The following GABRB1 variants were observed in gnomAD, a reference collection of about 807,000 sequenced individuals.
The protein encoded by GABRB1 is gamma-aminobutyric acid type A receptor subunit beta1, also known as gamma-aminobutyric acid receptor subunit beta-1.
In GABRB1, 17 loss-of-function variants were observed where a neutral mutation model predicts 51.6. That is an observed-to-expected ratio of 0.33 (90% CI 0.23 to 0.49). The LOEUF (loss-of-function observed/expected upper bound fraction) is 0.49, where lower values mean the gene tolerates loss of function less well. GABRB1 is among the 20% of genes least tolerant of loss of function. The probability of loss-of-function intolerance (pLI) is 0.99; values close to 1 mark genes in which losing one functional copy is unlikely to be tolerated. For missense variants in GABRB1, 410 were observed against 600.6 expected (o/e 0.68, Z 3.32); for synonymous variants, 247 against 218.9 (o/e 1.13, Z -1.14).
At chr4:47,025,872 A>G (rs1725073512) in intron 1 of GABRB1, among the ~76,000 whole-genome samples, 1 of 151,894 alleles carries the variant, frequency 6.6e-6, no homozygotes, top group African/African-American at 2.4e-5. Context: ...TTCTGCCTTT[A>G]CTACTTCCGT....
At chr4:47,046,591 G>C (rs1285974460) in intron 3 of GABRB1, among the ~76,000 whole-genome samples, 1 of 152,064 alleles carries the variant, frequency 6.6e-6, no homozygotes, top group East Asian at 1.9e-4. Flanking sequence ...TGACCCTGAA[G>C]ATGAGATCTC....
At chr4:47,181,703 T>C (rs1208206681) in intron 4 of GABRB1, among the ~76,000 whole-genome samples, 1 of 152,076 alleles carries the variant, frequency 6.6e-6, no homozygotes, top group African/African-American at 2.4e-5. Context: ...TGCTCATAAA[T>C]AGCTGCTATT....
At chr4:47,182,272 T>G (rs1718983521) in intron 4 of GABRB1, among the ~76,000 whole-genome samples, 1 of 151,954 alleles carries the variant, frequency 6.6e-6, no homozygotes, top group Non-Finnish European at 1.5e-5. Flanking sequence ...TACTATTGAT[T>G]ACTACTAATG....
At chr4:47,388,997 A>G (rs1727892467) in intron 5 of GABRB1, among the ~76,000 whole-genome samples, 1 of 152,370 alleles carries the variant, frequency 6.6e-6, no homozygotes, top group Non-Finnish European at 1.5e-5. Context: ...TTATTATCAG[A>G]AACACACTCA....
rs189449604 is a variant in GABRB1 at position 47,110,186 on chromosome 4, G to A, written c.241-51063G>A. On this transcript the variant is annotated intron_variant, in intron 3 of 8. Coordinates refer to ENST00000295454, the MANE Select transcript of GABRB1 (RefSeq NM_000812.4). ...TGTGAATCTCTACTTAAAGATATTG[G>A]GCCAAATCTGATAGTAAGAAATATT... Among the ~76,000 whole-genome samples the A allele has an allele frequency of 1.2e-3, 187 of 151,778 alleles. 1 individual carries two copies. Among genetic ancestry groups the A allele is most frequent in the African/African-American group, 4.3e-3 (176 of 41,378 alleles).
chr4:47,401,457 C>T (rs1015766494), intron 5 of GABRB1, among the ~76,000 whole-genome samples: 3 of 152,146 alleles, frequency 2.0e-5, no homozygotes, highest in African/African-American at 4.8e-5. Flanking sequence ...GGCCCAACAG[C>T]CCCTTCACCC....
intron 1 of GABRB1, among the ~76,000 whole-genome samples, chr4:47,018,087 C>A (rs1241114815): frequency 6.6e-6 from 1 of 151,178 alleles, no homozygotes; most frequent in South Asian, 2.1e-4. Context: ...TTCTTCTTCT[C>A]CCTCTTCCTC....
At chr4:47,350,004 G>T (rs1726248216) in intron 5 of GABRB1, among the ~76,000 whole-genome samples, 3 of 151,832 alleles carry the variant, frequency 2.0e-5, no homozygotes, top group African/African-American at 7.3e-5. Context: ...CCATGAAAAT[G>T]CTAAGGAGAG....
chr4:47,056,389 T>C (rs1225949529), intron 3 of GABRB1, among the ~76,000 whole-genome samples: 2 of 152,258 alleles, frequency 1.3e-5, no homozygotes, highest in Non-Finnish European at 2.9e-5. Context: ...TAATAGATAC[T>C]GTATTTCCCA....
At chr4:47,045,694 C>T (rs938287873) in intron 3 of GABRB1, among the ~76,000 whole-genome samples, 4 of 152,014 alleles carry the variant, frequency 2.6e-5, no homozygotes, top group Non-Finnish European at 4.4e-5. Context: ...TTACTGGAGC[C>T]TCTTTCCTAA....
intron 3 of GABRB1, among the ~76,000 whole-genome samples, chr4:47,038,825 C>G (rs1057078044): frequency 6.6e-6 from 1 of 152,102 alleles, no homozygotes; most frequent in Middle Eastern, 3.2e-3. Context: ...GCTTAGGTTT[C>G]AGTGAGGGGG....
chr4:47,165,365 C>A (rs1290661847), intron 4 of GABRB1, among the ~76,000 whole-genome samples: 3 of 151,998 alleles, frequency 2.0e-5, no homozygotes, highest in Non-Finnish European at 4.4e-5. Context: ...CTGCTTTGAG[C>A]ACCAGTTTTC....
At chr4:47,071,109 T>C (rs896708422) in intron 3 of GABRB1, among the ~76,000 whole-genome samples, 3 of 152,228 alleles carry the variant, frequency 2.0e-5, no homozygotes, top group African/African-American at 7.2e-5. Context: ...TTGATGTCTC[T>C]CTTTCTTCCA....
At chr4:47,040,060 T>C (rs1021144807) in intron 3 of GABRB1, among the ~76,000 whole-genome samples, 1 of 152,196 alleles carries the variant, frequency 6.6e-6, no homozygotes, top group African/African-American at 2.4e-5. Flanking sequence ...GTCTTTTATA[T>C]ACCCCTTTGA....
In GABRB1 at chr4:47,070,827, A is replaced by T. The variant is rs142127245; in HGVS notation, c.240+38343A>T. Among the ~76,000 whole-genome samples, 274 of 152,260 alleles carry T rather than the reference A, an allele frequency of 1.8e-3. 4 individuals are homozygous for T. The highest frequency in any genetic ancestry group is 6.5e-3 in the African/African-American group (269 of 41,530). ...TTCCACCTACTCCATGAATGAGTTC[A>T]TCCAGTCTAATGGCTTTAAATACCA... On this transcript the variant is annotated intron_variant, in intron 3 of 8. Coordinates refer to ENST00000295454, the MANE Select transcript of GABRB1 (RefSeq NM_000812.4).
chr4:47,270,161 T>C (rs1722809560), intron 4 of GABRB1, among the ~76,000 whole-genome samples: 2 of 152,228 alleles, frequency 1.3e-5, no homozygotes, highest in African/African-American at 4.8e-5. Context: ...GGAAAAAGTC[T>C]GATTGGCTGG....
intron 4 of GABRB1, among the ~76,000 whole-genome samples, chr4:47,310,090 A>T (rs979753383): frequency 1.3e-5 from 2 of 152,152 alleles, no homozygotes; most frequent in African/African-American, 4.8e-5. Context: ...AGTTGCCACC[A>T]CCCAAATAAG....
intron 4 of GABRB1, among the ~76,000 whole-genome samples, chr4:47,162,239 T>C (rs556923468): frequency 6.6e-6 from 1 of 152,182 alleles, no homozygotes; most frequent in Admixed American, 6.6e-5. Context: ...AATCATTAGT[T>C]ATGGTTCATA....
intron 3 of GABRB1, chr4:47,043,093 GA>G (rs1725929645): frequency 6.6e-6 from 1 of 151,846 alleles, no homozygotes; most frequent in African/African-American, 2.4e-5. Flanking sequence ...ATGTCCTAAA[GA>G]AAAAATTGGG....
Sources: gnomAD v4.1 joint callset for allele counts (sites outside exome capture counted in the v4.1 genomes callset) on GRCh38, gnomAD v4.1.1 for gene constraint, MANE v1.5 for transcripts, NCBI Gene and HGNC (gene_info 2026-07-23, HGNC 2026-07-21) for gene names.